The following ADGB variants were observed in gnomAD, a reference collection of about 807,000 sequenced individuals.
The protein encoded by ADGB is calpain-7-like protein.
ADGB carries 172 observed loss-of-function variants against 210.5 expected under a neutral mutation model. That is an observed-to-expected ratio of 0.82 (90% CI 0.72 to 0.93). ADGB has a LOEUF of 0.93. Among genes scored for constraint, ADGB ranks in the 40% least tolerant of loss-of-function variants. The pLI, the probability that ADGB is intolerant of heterozygous loss-of-function variation, is 0.00. For missense variants in ADGB, 2,025 were observed against 1,964.8 expected (o/e 1.03, Z -0.58); for synonymous variants, 658 against 662.7 (o/e 0.99, Z 0.11).
Position 146,812,869 on chromosome 6 carries a change from G to A in ADGB, c.4819-2163G>A, listed in dbSNP as rs114855717. On this transcript the variant is annotated intron_variant, in intron 35 of 35. Coordinates refer to ENST00000397944, the MANE Select transcript of ADGB (RefSeq NM_024694.4). ...AAGCTTTTTGCCTTTCTATGGGGTC[G>A]GACAAATGTGCAATGCTTTGACACA... Among the ~76,000 whole-genome samples the A allele has an allele frequency of 2.7e-3, 405 of 152,194 alleles. 1 individual carries two copies. Among genetic ancestry groups the A allele is most frequent in the Non-Finnish European group, 4.7e-3 (321 of 68,010 alleles).
intron 25 of ADGB, among the ~76,000 whole-genome samples, chr6:146,745,564 C>A (rs774414291): frequency 6.6e-6 from 1 of 152,164 alleles, no homozygotes. Context: ...ACAGGAAAAT[C>A]AAGTAAGAAG....
chr6:146,683,318 C>A (rs1487094558), intron 9 of ADGB, among the ~76,000 whole-genome samples: 1 of 151,962 alleles, frequency 6.6e-6, no homozygotes, highest in African/African-American at 2.4e-5. Flanking sequence ...AGTTCTGGGC[C>A]CCTGAATCTC....
intron 33 of ADGB, among the ~76,000 whole-genome samples, chr6:146,788,858 A>G (rs1262323343): frequency 1.3e-5 from 2 of 152,180 alleles, no homozygotes; most frequent in Non-Finnish European, 2.9e-5. Context: ...TTTTCTGTGT[A>G]TAGGTTTTCT....
intron 9 of ADGB, 130 bp from the exon 10 acceptor site, chr6:146,685,604 T>C: frequency 2.1e-6 from 1 of 468,042 alleles, no homozygotes; most frequent in Non-Finnish European, 3.7e-6. Flanking sequence ...TAAATTCATT[T>C]TGCATCCTTT....
At chr6:146,792,545 CTTT>C (rs916459539) in intron 33 of ADGB, among the ~76,000 whole-genome samples, 1 of 144,706 alleles carries the variant, frequency 6.9e-6, no homozygotes. Context: ...ACAGCACAGA[CTTT>C]TTTTTTTTTT....
At position 146,691,166 on chromosome 6, in the gene ADGB, C is replaced by A; in HGVS notation, c.1362C>A (p.Ser454Arg). The change falls in exon 11 of 36, where the codon AGC becomes AGA. Residue 454 changes from serine (S) to arginine (R), a missense_variant. Transcript: ENST00000397944. ...LREYGLSHIC[S>R]HPVLVTRSRS... ...AATATGGGCTTTCCCACATCTGTAG[C>A]CATCCTGTGCTGGTGACTAGAAGTA... The A allele has an allele frequency of 6.5e-7, 1 of 1,549,314 alleles. No individual in the cohort carries two copies. The highest frequency in any genetic ancestry group is 1.2e-5 in the South Asian group (1 of 83,892).
chr6:146,757,807 C>G (rs1777429856), intron 27 of ADGB, among the ~76,000 whole-genome samples: 1 of 151,572 alleles, frequency 6.6e-6, no homozygotes, highest in African/African-American at 2.4e-5. Flanking sequence ...AATAGAAGCC[C>G]TTACAGGAAG....
intron 29 of ADGB, among the ~76,000 whole-genome samples, chr6:146,775,416 A>G (rs1321461682): frequency 6.6e-6 from 1 of 152,148 alleles, no homozygotes; most frequent in African/African-American, 2.4e-5. Context: ...GTATATTTTA[A>G]AACCTAAGTT....
intron 9 of ADGB, among the ~76,000 whole-genome samples, chr6:146,681,449 A>C (rs969416933): frequency 1.3e-5 from 2 of 152,112 alleles, no homozygotes; most frequent in African/African-American, 2.4e-5. Flanking sequence ...TAAATTATCC[A>C]GTCTCAGGTA....
At chr6:146,772,098 C>T (rs1777660162) in intron 29 of ADGB, among the ~76,000 whole-genome samples, 1 of 152,062 alleles carries the variant, frequency 6.6e-6, no homozygotes, top group South Asian at 2.1e-4. Context: ...AACCCAGATC[C>T]ATATGACAGA....
rs771142663 is a variant in ADGB, at chr6:146,721,339, A to T, written c.1993-64A>T. ...TTAGATGTTATACTATGTTTTCATT[A>T]GAAGTGAAATAATAGCATTGATGAA... On this transcript the variant is annotated intron_variant, in intron 16 of 35. Transcript: ENST00000397944. 4.8e-6 allele frequency: 5 copies of T among 1,032,744 alleles called. No homozygotes were observed. In the Admixed American group the frequency reaches 6.1e-5, roughly 13 times the overall value. 64.0% of individuals were successfully genotyped at this position (1,032,744 alleles called of 1,614,324 possible).
At chr6:146,782,508 G>A (rs1455534758) in intron 30 of ADGB, among the ~76,000 whole-genome samples, 1 of 152,204 alleles carries the variant, frequency 6.6e-6, no homozygotes, top group African/African-American at 2.4e-5. Context: ...AAGGTAAACT[G>A]AGAATTATAA....
At chr6:146,690,605 T>C (rs765960931) in intron 10 of ADGB, among the ~76,000 whole-genome samples, 3 of 152,180 alleles carry the variant, frequency 2.0e-5, no homozygotes, top group Non-Finnish European at 4.4e-5. Context: ...TCCTTGATTG[T>C]AATCATGTGT....
At chr6:146,601,747 G>T (rs1202870848) in intron 1 of ADGB, among the ~76,000 whole-genome samples, 1 of 152,182 alleles carries the variant, frequency 6.6e-6, no homozygotes, top group Non-Finnish European at 1.5e-5. Flanking sequence ...TCCTAGAGAT[G>T]CCATCTCTGA....
chr6:146,694,638 T>C (rs1435105325), intron 12 of ADGB, among the ~76,000 whole-genome samples: 1 of 152,166 alleles, frequency 6.6e-6, no homozygotes, highest in Admixed American at 6.5e-5. Context: ...ATGAATAATA[T>C]ATAAAACTCC....
At chr6:146,768,563 C>A (rs1230710372) in intron 28 of ADGB, among the ~76,000 whole-genome samples, 3 of 152,036 alleles carry the variant, frequency 2.0e-5, no homozygotes, top group East Asian at 3.9e-4. Context: ...TAGCTAACAT[C>A]ATACATAAAG....
chr6:146,793,683 GA>G (rs1174284755), intron 33 of ADGB, among the ~76,000 whole-genome samples: 1 of 152,214 alleles, frequency 6.6e-6, no homozygotes, highest in African/African-American at 2.4e-5. Flanking sequence ...ATGGTAACTA[GA>G]AAGGGGAGAA....
At chr6:146,626,211 C>T (rs183627260) in intron 1 of ADGB, among the ~76,000 whole-genome samples, 2 of 151,948 alleles carry the variant, frequency 1.3e-5, no homozygotes, top group African/African-American at 2.4e-5. Context: ...ACTCCAAGCA[C>T]TATGCTATTA....
chr6:146,742,304 GTA>G (rs1200273692), intron 25 of ADGB, among the ~76,000 whole-genome samples: 1 of 151,542 alleles, frequency 6.6e-6, no homozygotes, highest in African/African-American at 2.4e-5. Flanking sequence ...ATTAGAAGTT[GTA>G]TATGTTTCAT....
Sources: gnomAD v4.1 joint callset for allele counts (sites outside exome capture counted in the v4.1 genomes callset) on GRCh38, gnomAD v4.1.1 for gene constraint, MANE v1.5 for transcripts, NCBI Gene and HGNC (gene_info 2026-07-23, HGNC 2026-07-21) for gene names.